BBS9: variants seen among roughly 807,000 people sequenced by gnomAD.
The protein encoded by BBS9 is protein PTHB1.
A neutral mutation model predicts 117.7 loss-of-function variants in BBS9; 89 were observed. The ratio of observed to expected loss-of-function variants is 0.76; its 90% CI spans 0.64 to 0.90. The LOEUF (loss-of-function observed/expected upper bound fraction) is 0.90, where lower values mean the gene tolerates loss of function less well. Among genes scored for constraint, BBS9 ranks in the 40% least tolerant of loss-of-function variants. BBS9 has a pLI of 0.00. For missense variants in BBS9, 982 were observed against 1,042.2 expected, an observed-to-expected ratio of 0.94 and a Z score of 0.80; for synonymous variants, 379 against 370.9, an observed-to-expected ratio of 1.02 and a Z score of -0.25.
At chr7:33,216,136 C>G (rs751583460) in intron 5 of BBS9, among the ~76,000 whole-genome samples, 19 of 152,228 alleles carry the variant, frequency 1.2e-4, no homozygotes, top group Non-Finnish European at 2.4e-4. Flanking sequence ...ATTTCTGACA[C>G]TAGGCCACTG....
At chr7:33,253,031 AT>A (rs1011521228) in intron 5 of BBS9, among the ~76,000 whole-genome samples, 5 of 152,146 alleles carry the variant, frequency 3.3e-5, no homozygotes, top group Non-Finnish European at 5.9e-5. Flanking sequence ...GTCAGCACAC[AT>A]CTCCCAATGA....
chr7:33,452,715 T>G (rs1032592198), intron 19 of BBS9, among the ~76,000 whole-genome samples: 1 of 152,152 alleles, frequency 6.6e-6, no homozygotes, highest in African/African-American at 2.4e-5. Context: ...TGTCATAAAT[T>G]TTGAGGGTAA....
chr7:33,272,180 A>G (rs1299067082), intron 7 of BBS9, among the ~76,000 whole-genome samples: 2 of 152,182 alleles, frequency 1.3e-5, no homozygotes, highest in African/African-American at 4.8e-5. Flanking sequence ...TAAATATCAC[A>G]TGTTCTTACT....
chr7:33,176,449 G>A (rs1381873371), intron 4 of BBS9, among the ~76,000 whole-genome samples: 1 of 152,108 alleles, frequency 6.6e-6, no homozygotes, highest in Non-Finnish European at 1.5e-5. Context: ...TCTCTACCTT[G>A]AATACTGTAT....
intron 5 of BBS9, among the ~76,000 whole-genome samples, chr7:33,224,397 T>G (rs1216685667): frequency 6.6e-6 from 1 of 152,220 alleles, no homozygotes; most frequent in Non-Finnish European, 1.5e-5. Flanking sequence ...TGTGTTTATA[T>G]GACAGTAATT....
At chr7:33,512,607 A>G (rs1457226230) in intron 20 of BBS9, among the ~76,000 whole-genome samples, 1 of 152,218 alleles carries the variant, frequency 6.6e-6, no homozygotes, top group Non-Finnish European at 1.5e-5. Flanking sequence ...GTGTGTTTAT[A>G]TTAGTTTAGT....
chr7:33,464,361 C>G (rs1486627018), intron 19 of BBS9, among the ~76,000 whole-genome samples: 1 of 151,938 alleles, frequency 6.6e-6, no homozygotes, highest in Non-Finnish European at 1.5e-5. Context: ...GCTTTATTTT[C>G]TCTTCTGTAA....
chr7:33,374,634 G>T (rs570976654), intron 17 of BBS9, among the ~76,000 whole-genome samples: 6 of 152,124 alleles, frequency 3.9e-5, no homozygotes, highest in Non-Finnish European at 7.3e-5. Context: ...GGGCGTGGTG[G>T]CTCACGCCTG....
intron 21 of BBS9, among the ~76,000 whole-genome samples, chr7:33,614,121 TTC>T (rs1455934752): frequency 6.6e-6 from 1 of 152,130 alleles, no homozygotes; most frequent in Non-Finnish European, 1.5e-5. Flanking sequence ...CATTGATAGT[TTC>T]TGCTAAATTC....
chr7:33,511,290 A>G (rs1846926020), intron 20 of BBS9, among the ~76,000 whole-genome samples: 1 of 152,078 alleles, frequency 6.6e-6, no homozygotes, highest in Non-Finnish European at 1.5e-5. Context: ...TTCTTCATCC[A>G]GCTTATGGCA....
intron 7 of BBS9, among the ~76,000 whole-genome samples, chr7:33,264,599 C>T (rs1332715985): frequency 1.3e-5 from 2 of 151,960 alleles, no homozygotes; most frequent in Non-Finnish European, 2.9e-5. Flanking sequence ...AGTTGTACCA[C>T]TAGAACTGTG....
intron 16 of BBS9, among the ~76,000 whole-genome samples, chr7:33,359,081 C>G (rs1820148311): frequency 6.6e-6 from 1 of 151,742 alleles, no homozygotes; most frequent in South Asian, 2.1e-4. Flanking sequence ...TCTCCCATCT[C>G]TTCTTTTACC....
intron 19 of BBS9, among the ~76,000 whole-genome samples, chr7:33,478,952 A>G (rs569487387): frequency 1.1e-4 from 17 of 150,922 alleles, no homozygotes; most frequent in African/African-American, 3.9e-4. Context: ...TTGATTGATA[A>G]TGTTACTTTA....
intron 5 of BBS9, among the ~76,000 whole-genome samples, chr7:33,199,295 A>G (rs956754434): frequency 8.2e-4 from 125 of 152,062 alleles, no homozygotes; most frequent in African/African-American, 2.9e-3. Flanking sequence ...TTGACAAATG[A>G]TGTAGGTTAG....
At chr7:33,434,893 A>G (rs770111005) in intron 19 of BBS9, among the ~76,000 whole-genome samples, 60 of 152,148 alleles carry the variant, frequency 3.9e-4, no homozygotes, top group Admixed American at 1.1e-3. Context: ...ACCTCATGAA[A>G]TATGCAGAAA....
chr7:33,543,482 ATT>A (rs1276091547), intron 21 of BBS9, among the ~76,000 whole-genome samples: 5 of 152,020 alleles, frequency 3.3e-5, no homozygotes, highest in Admixed American at 6.5e-5. Context: ...GCTAATTTAT[ATT>A]TGTTTTTATT....
At chr7:33,538,142 A>G (rs1281997655) in intron 21 of BBS9, among the ~76,000 whole-genome samples, 3 of 152,216 alleles carry the variant, frequency 2.0e-5, no homozygotes, top group Non-Finnish European at 4.4e-5. Context: ...ATGACTTCAC[A>G]TGTCATAATG....
chr7:33,477,163 T>C (rs1281861800), intron 19 of BBS9, among the ~76,000 whole-genome samples: 2 of 152,188 alleles, frequency 1.3e-5, no homozygotes, highest in East Asian at 3.9e-4. Context: ...AAAGTGATTG[T>C]TGGGAAGATT....
In BBS9 at chr7:33,367,782, C is replaced by T; in HGVS notation, c.1709C>T (p.Ser570Leu). Reference sequence around the variant, plus strand: ...TTCTTTGTAGGTTTTGCCAGTCAGTCAGATGATGATCAGGTGAATGTAATG... The same window carrying T: ...TTCTTTGTAGGTTTTGCCAGTCAGTTAGATGATGATCAGGTGAATGTAATG... ...LSLFPGFASQ[S>L]DDDQVNVMGF... Residue 570 changes from serine to leucine, a missense_variant, in exon 17 of 23, where the codon TCA becomes TTA. By Grantham distance (145) the Ser-to-Leu change is moderately radical. Coordinates refer to ENST00000242067, the MANE Select transcript of BBS9 (RefSeq NM_198428.3). 6.2e-7 allele frequency: 1 copy of T among 1,613,828 alleles called. No homozygotes were observed. The highest frequency in any genetic ancestry group is 8.5e-7 in the Non-Finnish European group (1 of 1,179,838).
Sources: gnomAD v4.1 joint callset for allele counts (sites outside exome capture counted in the v4.1 genomes callset) on GRCh38, gnomAD v4.1.1 for gene constraint, MANE v1.5 for transcripts, NCBI Gene and HGNC (gene_info 2026-07-23, HGNC 2026-07-21) for gene names.